The following KDM4C variants were observed in gnomAD, a reference collection of about 807,000 sequenced individuals.
The protein encoded by KDM4C is lysine demethylase 4C, also known as lysine-specific demethylase 4C.
Under a neutral mutation model 129.3 loss-of-function variants are expected in KDM4C, and 81 were observed. That is an observed-to-expected ratio of 0.63 (90% confidence interval 0.52 to 0.75). KDM4C has a LOEUF of 0.75. Among genes scored for constraint, KDM4C ranks in the 30% least tolerant of loss-of-function variants. KDM4C has a pLI of 0.00. For synonymous variants in KDM4C, 573 were observed against 456.1 expected (o/e 1.26, Z -3.26); for missense variants, 1,457 against 1,304.0 (o/e 1.12, Z -1.81).
At chr9:6,760,211 G>C (rs989864850) in intron 1 of KDM4C, among the ~76,000 whole-genome samples, 1 of 151,650 alleles carries the variant, frequency 6.6e-6, no homozygotes, top group African/African-American at 2.4e-5. Context: ...TACACTATCT[G>C]GTCTTCTGTG....
chr9:7,161,052 C>T lies in KDM4C; in HGVS notation c.2782-4186C>T, dbSNP rs529720950. Among the ~76,000 whole-genome samples, 13 of 152,330 alleles carry T rather than the reference C, an allele frequency of 8.5e-5. 1 individual carries two copies. In the South Asian group the frequency reaches 2.1e-3, roughly 24 times the overall value. On this transcript the variant is annotated intron_variant, in intron 19 of 21. Transcript: ENST00000381309. ...CTCAGCAATGGCAGACGCCTCTCCCCCAACCAGGCTGCCACCTCGCACTTC... is the reference window on the plus strand; with the variant it reads ...CTCAGCAATGGCAGACGCCTCTCCCTCAACCAGGCTGCCACCTCGCACTTC...
chr9:7,035,750 C>A (rs1476313832), intron 15 of KDM4C, among the ~76,000 whole-genome samples: 7 of 152,098 alleles, frequency 4.6e-5, no homozygotes. Context: ...ACTGTCAATT[C>A]CCTAACGAGT....
At chr9:6,796,555 C>T (rs745567431) in intron 2 of KDM4C, among the ~76,000 whole-genome samples, 58 of 152,210 alleles carry the variant, frequency 3.8e-4, no homozygotes, top group Non-Finnish European at 6.8e-4. Context: ...GAAACAGCAG[C>T]TACCCTCACA....
intron 1 of KDM4C, among the ~76,000 whole-genome samples, chr9:6,733,373 CAG>C (rs987496325): frequency 1.3e-5 from 2 of 152,190 alleles, no homozygotes; most frequent in African/African-American, 4.8e-5. Flanking sequence ...GTTTCTGTTA[CAG>C]AGACTGTTTG....
chr9:6,909,869 G>T (rs1818957305), intron 8 of KDM4C, among the ~76,000 whole-genome samples: 1 of 152,156 alleles, frequency 6.6e-6, no homozygotes, highest in Admixed American at 6.5e-5. Context: ...AGTGGAGCAA[G>T]ACTTTTGAAG....
intron 1 of KDM4C, among the ~76,000 whole-genome samples, chr9:6,741,520 C>T (rs998774561): frequency 5.3e-5 from 8 of 152,138 alleles, no homozygotes; most frequent in Non-Finnish European, 1.0e-4. Context: ...TTCCTAGCTT[C>T]CTTCTGATGT....
chr9:6,997,047 C>T (rs1348308035), intron 12 of KDM4C, among the ~76,000 whole-genome samples: 1 of 152,192 alleles, frequency 6.6e-6, no homozygotes, highest in Non-Finnish European at 1.5e-5. Context: ...GGTCAGTCGG[C>T]TCCAGCACTC....
At chr9:6,749,889 G>T (rs1301655494) in intron 1 of KDM4C, among the ~76,000 whole-genome samples, 1 of 150,052 alleles carries the variant, frequency 6.7e-6, no homozygotes, top group Non-Finnish European at 1.5e-5. Context: ...GGGAGGCCGA[G>T]GCACAAGAAT....
At chr9:6,957,993 C>T (rs1829369960) in intron 8 of KDM4C, among the ~76,000 whole-genome samples, 1 of 151,958 alleles carries the variant, frequency 6.6e-6, no homozygotes, top group Admixed American at 6.5e-5. Context: ...GACGGTGTGA[C>T]CTCCAAGTAT....
chr9:6,865,362 A>T (rs577796504), intron 5 of KDM4C, among the ~76,000 whole-genome samples: 1 of 152,182 alleles, frequency 6.6e-6, no homozygotes, highest in East Asian at 1.9e-4. Context: ...TATCTTGGAG[A>T]TTACTGGTTT....
chr9:6,962,887 A>G (rs1391546635), intron 8 of KDM4C, among the ~76,000 whole-genome samples: 1 of 152,238 alleles, frequency 6.6e-6, no homozygotes, highest in Non-Finnish European at 1.5e-5. Flanking sequence ...TTCATTATGC[A>G]TGTGAGAATT....
chr9:7,008,486 G>A (rs1275422308), intron 12 of KDM4C, among the ~76,000 whole-genome samples: 1 of 152,136 alleles, frequency 6.6e-6, no homozygotes, highest in Non-Finnish European at 1.5e-5. Flanking sequence ...GCTCCAAGCT[G>A]GTCCCCTGGT....
At chr9:7,169,377 C>G (rs551689444) in intron 20 of KDM4C, among the ~76,000 whole-genome samples, 1 of 152,282 alleles carries the variant, frequency 6.6e-6, no homozygotes, top group Admixed American at 6.5e-5. Flanking sequence ...TACTCTGTCA[C>G]CAGGCTGGAG....
chr9:7,140,587 C>T (rs1275480543), intron 19 of KDM4C, among the ~76,000 whole-genome samples: 2 of 152,094 alleles, frequency 1.3e-5, no homozygotes, highest in Non-Finnish European at 1.5e-5. Context: ...CTTGATAAGC[C>T]GCATCTGGGT....
At position 7,165,346 on chromosome 9, in the gene KDM4C, C is replaced by A. The variant is rs2130424066; in HGVS notation, c.2890C>A (p.His964Asn). The change falls in exon 20 of 22, where the codon CAC (histidine) becomes AAC (asparagine). Residue 964 changes from histidine (H) to asparagine (N), a missense_variant. Transcript: ENST00000381309. ...GAKYFGSNIA[H>N]MYQVEFEDGS... ...AAAATATTTTGGATCAAATATTGCC[C>A]ACATGTACCAGGTGGGTTCTTCCTT... 6 of 1,613,920 alleles carry A rather than the reference C, an allele frequency of 3.7e-6. No individual in the cohort carries two copies. The East Asian group carries it at 1.3e-4, about 36-fold the overall frequency.
intron 6 of KDM4C, among the ~76,000 whole-genome samples, chr9:6,882,428 T>C (rs1844596557): frequency 6.6e-6 from 1 of 152,188 alleles, no homozygotes; most frequent in Non-Finnish European, 1.5e-5. Flanking sequence ...TGAGAAAGTG[T>C]ACAGATTTTT....
At chr9:7,040,381 G>GTGTGTCTGTGTGTGTGTGTC (rs56249522) in intron 15 of KDM4C, among the ~76,000 whole-genome samples, 1 of 140,572 alleles carries the variant, frequency 7.1e-6, no homozygotes, top group Non-Finnish European at 1.5e-5. Context: ...GTGTGTGTGT[G>GTGTGTCTGTGTGTGTGTGTC]TGTGTGTGTG....
chr9:6,851,079 C>T (rs968936998), intron 5 of KDM4C, among the ~76,000 whole-genome samples: 3 of 152,116 alleles, frequency 2.0e-5, no homozygotes, highest in Non-Finnish European at 4.4e-5. Context: ...AATAGGTGGT[C>T]TAGGACTCAT....
intron 1 of KDM4C, among the ~76,000 whole-genome samples, chr9:6,741,676 C>CTTTT (rs71315557): frequency 1.1e-5 from 1 of 94,098 alleles, no homozygotes; most frequent in African/African-American, 4.2e-5. Flanking sequence ...GGTGGCAGCT[C>CTTTT]TTTTTTTTTT....
Sources: gnomAD v4.1 joint callset for allele counts (sites outside exome capture counted in the v4.1 genomes callset) on GRCh38, gnomAD v4.1.1 for gene constraint, MANE v1.5 for transcripts, NCBI Gene and HGNC (gene_info 2026-07-23, HGNC 2026-07-21) for gene names.